Variants in HEG1 observed in about 807,000 individuals in gnomAD.
The protein encoded by HEG1 is heart development protein with EGF like domains 1, also known as protein HEG homolog 1.
Under a neutral mutation model 125.6 loss-of-function variants are expected in HEG1, and 56 were observed. That is an observed-to-expected ratio of 0.45 (90% CI 0.36 to 0.56). The LOEUF (loss-of-function observed/expected upper bound fraction) is 0.56. HEG1 is among the 20% of genes least tolerant of loss of function. HEG1 has a pLI of 0.00. For missense variants in HEG1, 1,523 were observed against 1,670.0 expected, an observed-to-expected ratio of 0.91 and a Z score of 1.53; for synonymous variants, 644 against 668.5, an observed-to-expected ratio of 0.96 and a Z score of 0.57.
intron 3 of HEG1, among the ~76,000 whole-genome samples, chr3:125,026,236 T>C (rs1000871084): frequency 2.0e-5 from 3 of 152,184 alleles, no homozygotes; most frequent in Admixed American, 6.5e-5. Flanking sequence ...TGTGAGGGTA[T>C]CTGGGCACAT....
chr3:125,012,651 T>A lies in HEG1; in HGVS notation c.2928A>T (p.Ser976=), dbSNP rs375215440. Residue 976 remains serine (S), a synonymous_variant, in exon 6 of 17, where the codon TCA becomes TCT. Transcript: ENST00000311127. ...ATFAVQSSTQ[S]PTTVSSSASV... ...AGGCTGAAGAGGACACTGTTGTTGGTGACTGTGTGCTGCTCTGAACAGCAA... is the reference window on the plus strand; with the variant it reads ...AGGCTGAAGAGGACACTGTTGTTGGAGACTGTGTGCTGCTCTGAACAGCAA... The A allele has an allele frequency of 3.3e-5, 53 of 1,613,604 alleles. No individual in the cohort carries two copies. The African/African-American group carries it at 5.7e-4, about 17-fold the overall frequency.
Position 125,012,708 on chromosome 3 carries a change from C to T in HEG1, c.2871G>A (p.Thr957=), listed in dbSNP as rs753000018. ...SPSPQTTVVS[T]AEDLAPKSAT... ...CAGATTTGGGAGCCAAGTCTTCAGCCGTGGAAACAACTGTGGTTTGGGGAG... is the reference window on the plus strand; with the variant it reads ...CAGATTTGGGAGCCAAGTCTTCAGCTGTGGAAACAACTGTGGTTTGGGGAG... Residue 957 remains threonine, a synonymous_variant, in exon 6 of 17, where the codon ACG becomes ACA. Transcript: ENST00000311127. 2.4e-5 allele frequency: 38 copies of T among 1,613,764 alleles called. No individual in the cohort carries two copies. The highest frequency in any genetic ancestry group is 9.9e-5 in the South Asian group (9 of 91,042).
chr3:125,004,544 C>CA lies in HEG1; in HGVS notation c.3297+720dup, dbSNP rs1225998291. On this transcript the variant is annotated intron_variant, in intron 9 of 16. Coordinates refer to ENST00000311127, the MANE Select transcript of HEG1 (RefSeq NM_020733.2). ...TCACTCTGTCACCCAGGCTGGAGTG[C>CA]AGTTGTTCGATCACGGCTCACCACA... 2.6e-5 allele frequency among the ~76,000 whole-genome samples: 4 copies of CA among 151,962 alleles called. No individual in the cohort carries two copies. The East Asian group carries it at 7.7e-4, about 29-fold the overall frequency.
rs562187171 is a variant in HEG1 at position 124,981,000 on chromosome 3, G to A, written c.3734-3054C>T. Among the ~76,000 whole-genome samples, 6 of 151,304 alleles carry A rather than the reference G, an allele frequency of 4.0e-5. No individual in the cohort carries two copies. In the East Asian group the frequency reaches 9.8e-4, roughly 25 times the overall value. ...CTGCCAAGCAGCTGGGACCACGGGC[G>A]CAACTAAGTTTTGGTTTTTGTAGGG... On this transcript the variant is annotated intron_variant, in intron 14 of 16. Coordinates refer to ENST00000311127, the MANE Select transcript of HEG1 (RefSeq NM_020733.2).
At chr3:124,980,932 A>G (rs966074025) in intron 14 of HEG1, among the ~76,000 whole-genome samples, 5 of 151,602 alleles carry the variant, frequency 3.3e-5, no homozygotes, top group African/African-American at 1.2e-4. Flanking sequence ...ACAGTTCACT[A>G]CAGCCTTCAA....
intron 1 of HEG1, among the ~76,000 whole-genome samples, chr3:125,050,437 C>T (rs1031999605): frequency 6.6e-6 from 1 of 152,170 alleles, no homozygotes; most frequent in Admixed American, 6.5e-5. Flanking sequence ...AGCCATCATG[C>T]CCAGCCCATC....
chr3:125,014,849 C>T (rs1403198264), intron 5 of HEG1: 3 of 1,289,758 alleles, frequency 2.3e-6, no homozygotes, highest in Non-Finnish European at 3.0e-6. Context: ...AAGTCGTGCT[C>T]ATGCTGGTGT....
intron 15 of HEG1, among the ~76,000 whole-genome samples, chr3:124,976,160 T>C (rs1936531347): frequency 6.6e-6 from 1 of 152,138 alleles, no homozygotes; most frequent in East Asian, 1.9e-4. Flanking sequence ...TCCTCACCAA[T>C]GCTTGTTATT....
chr3:125,005,214 CT>C, intron 9 of HEG1, 50 bp downstream of exon 9: 1 of 1,099,936 alleles, frequency 9.1e-7, no homozygotes. Flanking sequence ...GGAATAAAAT[CT>C]GTTCTAGGAA....
At chr3:125,015,748 A>G (rs981642738) in intron 5 of HEG1, among the ~76,000 whole-genome samples, 1 of 152,078 alleles carries the variant, frequency 6.6e-6, no homozygotes, top group Non-Finnish European at 1.5e-5. Flanking sequence ...ATGAGGTCCA[A>G]TTCTCCTTGG....
At position 124,970,437 on chromosome 3, in the gene HEG1, G is replaced by A. The variant is rs1341069225; in HGVS notation, c.*215C>T. 2 of 544,650 alleles carry A rather than the reference G, an allele frequency of 3.7e-6. No homozygotes were observed. The highest frequency in any genetic ancestry group is 2.3e-5 in the South Asian group (1 of 43,444). 33.7% of individuals were successfully genotyped at this position (544,650 alleles called of 1,614,324 possible). ...TCTCTTGATACTGGCCCACATTCAC[G>A]TTCACAGTAACAACAAAGGTGCTGA... On this transcript the variant is annotated 3_prime_UTR_variant, in exon 17 of 17. Coordinates refer to ENST00000311127, the MANE Select transcript of HEG1 (RefSeq NM_020733.2).
chr3:125,014,914 A>G, intron 5 of HEG1: 1 of 1,289,848 alleles, frequency 7.8e-7, no homozygotes, highest in African/African-American at 1.5e-5. Context: ...ACAGTAGCCA[A>G]GGTGTGGGTG....
intron 15 of HEG1, among the ~76,000 whole-genome samples, chr3:124,975,188 C>T (rs760856827): frequency 6.6e-6 from 1 of 152,188 alleles, no homozygotes; most frequent in Non-Finnish European, 1.5e-5. Flanking sequence ...AGTTAGGGCA[C>T]ATTGCTCTCT....
At chr3:125,042,326 G>A (rs551636269) in intron 1 of HEG1, among the ~76,000 whole-genome samples, 31 of 152,272 alleles carry the variant, frequency 2.0e-4, no homozygotes, top group Non-Finnish European at 3.8e-4. Context: ...TACTCAGGAG[G>A]CTGAGGTACA....
intron 8 of HEG1, among the ~76,000 whole-genome samples, chr3:125,006,217 T>C (rs146477579): frequency 6.6e-6 from 1 of 152,238 alleles, no homozygotes; most frequent in African/African-American, 2.4e-5. Context: ...AAACAGCCCA[T>C]ATTCAAGACA....
At chr3:125,022,785 G>C (rs573789028) in intron 3 of HEG1, among the ~76,000 whole-genome samples, 1 of 152,072 alleles carries the variant, frequency 6.6e-6, no homozygotes, top group South Asian at 2.1e-4. Flanking sequence ...AACTTCATTA[G>C]AGTCATCATT....
Position 125,013,287 on chromosome 3 carries a change from T to A in HEG1, c.2292A>T (p.Thr764=). 6.2e-7 allele frequency: 1 copy of A among 1,614,056 alleles called. No individual in the cohort carries two copies. The highest frequency in any genetic ancestry group is 1.7e-5 in the Admixed American group (1 of 60,026). ...PVTSFQTSTM[T]SFMTMLHSSQ... ...TACTATGGAGCATTGTCATGAATGA[T>A]GTCATTGTTGATGTCTGAAATGAAG... Residue 764 remains threonine, a synonymous_variant, in exon 6 of 17, where the codon ACA becomes ACT. Transcript: ENST00000311127.
At chr3:125,028,674 G>A (rs879422845) in intron 2 of HEG1, among the ~76,000 whole-genome samples, 3 of 152,222 alleles carry the variant, frequency 2.0e-5, no homozygotes, top group Admixed American at 6.5e-5. Flanking sequence ...TTGCTAGAAG[G>A]ATTGAGAGAA....
intron 1 of HEG1, among the ~76,000 whole-genome samples, chr3:125,044,662 G>A (rs757927638): frequency 1.2e-4 from 18 of 152,116 alleles, no homozygotes; most frequent in Non-Finnish European, 2.1e-4. Context: ...ACCCAGGTCC[G>A]TCTGACTGCA....
Sources: gnomAD v4.1 joint callset for allele counts (sites outside exome capture counted in the v4.1 genomes callset) on GRCh38, gnomAD v4.1.1 for gene constraint, MANE v1.5 for transcripts, NCBI Gene and HGNC (gene_info 2026-07-23, HGNC 2026-07-21) for gene names.